Variants in CTNNBL1 observed in about 807,000 individuals in gnomAD.
CTNNBL1 encodes catenin beta like 1.
Under a neutral mutation model 72.7 loss-of-function variants are expected in CTNNBL1, and 31 were observed. The ratio of observed to expected loss-of-function variants is 0.43; its 90% confidence interval spans 0.32 to 0.58. The LOEUF is 0.58. Among genes scored for constraint, CTNNBL1 ranks in the 20% least tolerant of loss-of-function variants. The probability of loss-of-function intolerance (pLI) is 0.08; values close to 1 mark genes in which losing one functional copy is unlikely to be tolerated. For missense variants in CTNNBL1, 534 were observed against 725.1 expected (o/e 0.74, Z 3.03); for synonymous variants, 240 against 267.3 (o/e 0.90, Z 1.00).
At chr20:37,709,693 G>A (rs772954257) in intron 1 of CTNNBL1, among the ~76,000 whole-genome samples, 3 of 152,170 alleles carry the variant, frequency 2.0e-5, no homozygotes, top group Non-Finnish European at 4.4e-5. Flanking sequence ...TAGAGATGCC[G>A]AAGGACTAAC....
intron 1 of CTNNBL1, among the ~76,000 whole-genome samples, chr20:37,698,907 A>G (rs1450778818): frequency 6.6e-6 from 1 of 152,092 alleles, no homozygotes; most frequent in African/African-American, 2.4e-5. Context: ...TCAGCTGGGC[A>G]TGGTGGTGTG....
intron 10 of CTNNBL1, among the ~76,000 whole-genome samples, chr20:37,796,897 T>G (rs2073779699): frequency 6.6e-6 from 1 of 152,180 alleles, no homozygotes; most frequent in African/African-American, 2.4e-5. Flanking sequence ...AGTGCACATG[T>G]TACTTACATT....
At chr20:37,871,331 C>G (rs548375995) in intron 15 of CTNNBL1, among the ~76,000 whole-genome samples, 7 of 152,296 alleles carry the variant, frequency 4.6e-5, no homozygotes, top group African/African-American at 1.7e-4. Context: ...ATCCCTGAGA[C>G]TGGGTAATTT....
intron 13 of CTNNBL1, among the ~76,000 whole-genome samples, chr20:37,850,953 C>T (rs1038282527): frequency 4.6e-5 from 7 of 152,200 alleles, no homozygotes; most frequent in Non-Finnish European, 8.8e-5. Context: ...TTAGAAATGA[C>T]ATCCGCATGC....
At chr20:37,796,635 CT>C (rs899876211) in intron 10 of CTNNBL1, among the ~76,000 whole-genome samples, 1 of 152,094 alleles carries the variant, frequency 6.6e-6, no homozygotes, top group Non-Finnish European at 1.5e-5. Context: ...CAACTTTGCT[CT>C]ATCACATATC....
chr20:37,757,725 C>T (rs185362269), intron 5 of CTNNBL1, 69 bp downstream of exon 5: 38 of 1,134,756 alleles, frequency 3.3e-5, no homozygotes, highest in Admixed American at 2.7e-4. Flanking sequence ...ACCATCGTCT[C>T]GGAGAGTGGC....
intron 11 of CTNNBL1, among the ~76,000 whole-genome samples, chr20:37,812,412 A>T (rs1317637372): frequency 1.3e-5 from 2 of 152,196 alleles, no homozygotes; most frequent in African/African-American, 4.8e-5. Context: ...GCTGGGTCAT[A>T]ACAGGAGCTT....
chr20:37,802,936 A>G lies in CTNNBL1; in HGVS notation c.1101A>G (p.Thr367=), dbSNP rs1169344743. The G allele has an allele frequency of 1.2e-6, 2 of 1,614,056 alleles. No individual in the cohort carries two copies. Among genetic ancestry groups the G allele is most frequent in the Non-Finnish European group, 1.7e-6 (2 of 1,180,026 alleles). Residue 367 remains threonine (T), a synonymous_variant, in exon 11 of 16, where the codon ACA becomes ACG. Coordinates refer to ENST00000361383, the MANE Select transcript of CTNNBL1 (RefSeq NM_030877.5). Reference sequence around the variant, plus strand: ...ATGCCATGATTGGCCCCGAAGGCACAGACAACTGCCATAAGTTTGTTGACA... The same window carrying G: ...ATGCCATGATTGGCCCCGAAGGCACGGACAACTGCCATAAGTTTGTTGACA... ...LDHAMIGPEG[T]DNCHKFVDIL...
intron 1 of CTNNBL1, among the ~76,000 whole-genome samples, chr20:37,715,950 A>G (rs1394825917): frequency 6.6e-6 from 1 of 152,192 alleles, no homozygotes; most frequent in Non-Finnish European, 1.5e-5. Context: ...TTTATCAGAA[A>G]GTAAAGCTAT....
At chr20:37,741,289 T>A (rs547360588) in intron 3 of CTNNBL1, among the ~76,000 whole-genome samples, 2 of 152,296 alleles carry the variant, frequency 1.3e-5, no homozygotes, top group South Asian at 2.1e-4. Context: ...TTTAAATGAG[T>A]AGGCTCATGA....
chr20:37,776,358 A>G (rs892486533), intron 7 of CTNNBL1, among the ~76,000 whole-genome samples: 3 of 152,206 alleles, frequency 2.0e-5, no homozygotes, highest in Non-Finnish European at 4.4e-5. Context: ...GTATAAAACC[A>G]ATATCTAAAC....
Position 37,694,052 on chromosome 20 carries a change from G to A in CTNNBL1, c.-71G>A. The A allele has an allele frequency of 5.2e-6, 8 of 1,542,142 alleles. 1 individual carries two copies. Among genetic ancestry groups the A allele is most frequent in the Non-Finnish European group, 7.1e-6 (8 of 1,131,632 alleles). On this transcript the variant is annotated 5_prime_UTR_variant, in exon 1 of 16. Coordinates refer to ENST00000361383, the MANE Select transcript of CTNNBL1 (RefSeq NM_030877.5). ...GCCGCACTTTACGGCAGTGTGGCTG[G>A]AGCCGCGGCTGACGGGCCCGCGGTC...
At chr20:37,711,207 C>G (rs1301608689) in intron 1 of CTNNBL1, among the ~76,000 whole-genome samples, 1 of 152,196 alleles carries the variant, frequency 6.6e-6, no homozygotes, top group Non-Finnish European at 1.5e-5. Flanking sequence ...GCAACTCTGA[C>G]AGTCTGTGAG....
rs756755975 is a variant in CTNNBL1 at position 37,779,284 on chromosome 20, G to A, written c.980G>A (p.Arg327His). Residue 327 changes from arginine to histidine, a missense_variant, in exon 10 of 16, where the codon CGT (arginine) becomes CAT (histidine). By Grantham distance (29) the Arg-to-His change is conservative (BLOSUM62 0). Transcript: ENST00000361383. ...TCCTGTCTAATGCTTAGTTCCAATC[G>A]TGAGCGCTTCCTGAAGGGCGAGGGT... The part of the protein sequence containing the change: ...LCSCLMLSSN[R>H]ERFLKGEGLQ... 2.5e-6 allele frequency: 4 copies of A among 1,613,642 alleles called. No individual in the cohort carries two copies. Among genetic ancestry groups the A allele is most frequent in the Non-Finnish European group, 1.7e-6 (2 of 1,179,734 alleles).
At chr20:37,760,195 G>C (rs1475152800) in intron 5 of CTNNBL1, among the ~76,000 whole-genome samples, 1 of 152,212 alleles carries the variant, frequency 6.6e-6, no homozygotes, top group Non-Finnish European at 1.5e-5. Context: ...TGGTAAGCGA[G>C]AGGGTATATT....
At chr20:37,839,679 G>A (rs2072285085) in intron 11 of CTNNBL1, among the ~76,000 whole-genome samples, 1 of 152,154 alleles carries the variant, frequency 6.6e-6, no homozygotes, top group Admixed American at 6.5e-5. Context: ...GTTTACTTGG[G>A]AAAGTTATAA....
intron 11 of CTNNBL1, among the ~76,000 whole-genome samples, chr20:37,815,278 G>A (rs2072046158): frequency 6.6e-6 from 1 of 151,840 alleles, no homozygotes; most frequent in South Asian, 2.1e-4. Flanking sequence ...GCAGTTTGGA[G>A]AGGTGAGCTG....
chr20:37,847,725 CTT>C (rs1474891498), intron 13 of CTNNBL1: 5 of 152,526 alleles, frequency 3.3e-5, no homozygotes, highest in Admixed American at 6.5e-5. Flanking sequence ...GAGGTTTTCT[CTT>C]TTTTAGTTCC....
chr20:37,835,715 T>A (rs958714112), intron 11 of CTNNBL1, among the ~76,000 whole-genome samples: 2 of 152,220 alleles, frequency 1.3e-5, no homozygotes, highest in Non-Finnish European at 2.9e-5. Context: ...GCATTGCTTC[T>A]AATAGCAAGA....
Sources: gnomAD v4.1 joint callset for allele counts (sites outside exome capture counted in the v4.1 genomes callset) on GRCh38, gnomAD v4.1.1 for gene constraint, MANE v1.5 for transcripts, NCBI Gene and HGNC (gene_info 2026-07-23, HGNC 2026-07-21) for gene names.